Variants in ASTN2 observed in about 807,000 individuals in gnomAD.
ASTN2 encodes the protein astrotactin-2.
Under a neutral mutation model 139.8 loss-of-function variants are expected in ASTN2, and 54 were observed. The ratio of observed to expected loss-of-function variants is 0.39; its 90% CI spans 0.31 to 0.48. The LOEUF (loss-of-function observed/expected upper bound fraction) is 0.48. Ranked by LOEUF, ASTN2 falls within the 20% of genes least tolerant of loss-of-function variation. The pLI is 0.95. For missense variants in ASTN2, 1,565 were observed against 1,725.1 expected (o/e 0.91, Z 1.64); for synonymous variants, 756 against 719.5 (o/e 1.05, Z -0.81).
rs551186937 is a variant in ASTN2, at chr9:117,286,976, T to C, written c.630+4350A>G. Reference sequence around the variant, plus strand: ...GTTAGAATCTCAACTTCAGCACTTATTGGTGATGTGGATGGGCAAGATGCA... The same window carrying C: ...GTTAGAATCTCAACTTCAGCACTTACTGGTGATGTGGATGGGCAAGATGCA... On this transcript the variant is annotated intron_variant, in intron 2 of 22. Coordinates refer to ENST00000313400, the MANE Select transcript of ASTN2 (RefSeq NM_001365068.1). 3.3e-5 allele frequency among the ~76,000 whole-genome samples: 5 copies of C among 152,336 alleles called. No homozygotes were observed. The South Asian group carries it at 6.2e-4, about 19-fold the overall frequency.
intron 15 of ASTN2, among the ~76,000 whole-genome samples, chr9:116,728,436 T>G (rs1359196619): frequency 1.3e-5 from 2 of 152,034 alleles, no homozygotes; most frequent in Admixed American, 6.6e-5. Flanking sequence ...CACTGTGGCA[T>G]GAGAGAACAT....
At chr9:117,213,054 T>C (rs921666087) in intron 3 of ASTN2, among the ~76,000 whole-genome samples, 4 of 152,252 alleles carry the variant, frequency 2.6e-5, no homozygotes, top group East Asian at 1.9e-4. Flanking sequence ...AACAGATGAC[T>C]AGATAAAGAA....
At chr9:117,047,648 T>C (rs1316258373) in intron 5 of ASTN2, among the ~76,000 whole-genome samples, 2 of 152,186 alleles carry the variant, frequency 1.3e-5, no homozygotes, top group Non-Finnish European at 2.9e-5. Context: ...AAATAGGATA[T>C]ATTTAATATC....
At chr9:116,736,589 A>C (rs1828933842) in intron 13 of ASTN2, among the ~76,000 whole-genome samples, 1 of 152,164 alleles carries the variant, frequency 6.6e-6, no homozygotes, top group Non-Finnish European at 1.5e-5. Context: ...AGAGTTAGCT[A>C]TTCACCACAT....
chr9:116,607,074 C>T (rs1855245709), intron 19 of ASTN2, among the ~76,000 whole-genome samples: 1 of 152,134 alleles, frequency 6.6e-6, no homozygotes, highest in Non-Finnish European at 1.5e-5. Context: ...ATGTACCCTC[C>T]CAATCATCTA....
intron 11 of ASTN2, among the ~76,000 whole-genome samples, chr9:116,837,838 C>T (rs1039900940): frequency 6.6e-6 from 1 of 152,160 alleles, no homozygotes; most frequent in Non-Finnish European, 1.5e-5. Flanking sequence ...ATCAGTGTGG[C>T]AATTTCATTC....
At chr9:117,297,470 C>T (rs1439610308) in intron 1 of ASTN2, among the ~76,000 whole-genome samples, 7 of 152,200 alleles carry the variant, frequency 4.6e-5, no homozygotes, top group Non-Finnish European at 1.0e-4. Context: ...TTTATCATCT[C>T]TCTCATGGGC....
chr9:116,732,129 G>C (rs1406572308), intron 14 of ASTN2, among the ~76,000 whole-genome samples: 1 of 152,156 alleles, frequency 6.6e-6, no homozygotes, highest in Non-Finnish European at 1.5e-5. Context: ...ACAGGTCAGG[G>C]GTGATGTAAG....
chr9:117,320,261 G>A (rs891559527), intron 1 of ASTN2, among the ~76,000 whole-genome samples: 1 of 152,088 alleles, frequency 6.6e-6, no homozygotes, highest in African/African-American at 2.4e-5. Flanking sequence ...ATAAAATACA[G>A]AACTGAACTG....
At chr9:116,811,991 G>A (rs114984112) in intron 12 of ASTN2, among the ~76,000 whole-genome samples, 1 of 152,220 alleles carries the variant, frequency 6.6e-6, no homozygotes, top group Non-Finnish European at 1.5e-5. Context: ...TGGAAATAAG[G>A]TATACATATA....
intron 5 of ASTN2, among the ~76,000 whole-genome samples, chr9:117,059,137 GGAGA>G (rs1360715421): frequency 1.3e-5 from 2 of 152,162 alleles, no homozygotes; most frequent in Non-Finnish European, 2.9e-5. Context: ...CACTGGGGAT[GGAGA>G]GAGTCATCAA....
rs77721079 is a variant in ASTN2 at position 117,093,282 on chromosome 9, A to G, written c.1276+2762T>C. Among the ~76,000 whole-genome samples, 1,235 of 152,114 alleles carry G rather than the reference A, an allele frequency of 8.1e-3. 57 individuals are homozygous for G. The East Asian group carries it at 0.13, about 16-fold the overall frequency. ...TTCTCAGCAACTTCACTCTGCCACA[A>G]TTTCTCTCCCTCCCTATCTCCACCT... On this transcript the variant is annotated intron_variant, in intron 5 of 22. Transcript: ENST00000313400.
intron 5 of ASTN2, 28 bp from the exon 6 acceptor site, chr9:117,039,993 C>A: frequency 6.4e-7 from 1 of 1,572,486 alleles, no homozygotes; most frequent in Non-Finnish European, 8.7e-7. Flanking sequence ...CACAAAGACA[C>A]AAAATTCCAT....
intron 10 of ASTN2, among the ~76,000 whole-genome samples, chr9:116,961,570 A>G (rs1305666037): frequency 1.3e-5 from 2 of 152,196 alleles, no homozygotes; most frequent in Non-Finnish European, 2.9e-5. Context: ...TTAGGGCTGA[A>G]TAATATTCCA....
chr9:116,803,508 ATATATATATATATAT>A (rs1324591338), intron 13 of ASTN2, among the ~76,000 whole-genome samples: 2 of 7,082 alleles, frequency 2.8e-4, no homozygotes, highest in African/African-American at 1.3e-3. Context: ...ATATATATAT[ATATATATATATATAT>A]TTTTTTTTTT....
chr9:117,124,938 A>C (rs1012364504), intron 4 of ASTN2, among the ~76,000 whole-genome samples: 3 of 152,158 alleles, frequency 2.0e-5, no homozygotes, highest in African/African-American at 7.2e-5. Context: ...GCTTCTCTGC[A>C]CATTTCACAG....
At chr9:116,733,336 C>G in intron 14 of ASTN2, 63 bp downstream of exon 14, 1 of 1,596,400 alleles carries the variant, frequency 6.3e-7, no homozygotes, top group South Asian at 1.1e-5. Context: ...CTGATATGCA[C>G]TAGGTGTGGA....
chr9:116,817,306 A>G (rs977027679), intron 12 of ASTN2, among the ~76,000 whole-genome samples: 4 of 113,350 alleles, frequency 3.5e-5, no homozygotes, highest in Admixed American at 2.1e-4. Context: ...AAAAAAAAAA[A>G]GAAGAAAGAA....
At chr9:116,576,673 T>G (rs1367956573) in intron 19 of ASTN2, among the ~76,000 whole-genome samples, 1 of 152,200 alleles carries the variant, frequency 6.6e-6, no homozygotes. Context: ...TGCCTGTGCC[T>G]GTGCCTGCCC....
Sources: allele counts gnomAD v4.1 joint callset (sites outside exome capture counted in the v4.1 genomes callset), GRCh38; gene constraint gnomAD v4.1.1; transcripts MANE v1.5; gene names NCBI Gene and HGNC (gene_info 2026-07-23, HGNC 2026-07-21).